SSH2: variants seen among roughly 807,000 people sequenced by gnomAD.
SSH2 encodes the protein slingshot protein phosphatase 2, also known as protein phosphatase Slingshot homolog 2.
In SSH2, 37 loss-of-function variants were observed where a neutral mutation model predicts 135.2. The observed-to-expected ratio is 0.27, with a 90% CI of 0.21 to 0.36. SSH2 has a LOEUF of 0.36. Ranked by LOEUF, SSH2 falls within the 10% of genes least tolerant of loss-of-function variation. The pLI is 1.00. For synonymous variants in SSH2, 628 were observed against 646.2 expected, an observed-to-expected ratio of 0.97 and a Z score of 0.43; for missense variants, 1,408 against 1,765.3, an observed-to-expected ratio of 0.80 and a Z score of 3.63.
At chr17:29,925,661 A>T in intron 1 of SSH2, 1 of 391,070 alleles carries the variant, frequency 2.6e-6, no homozygotes, top group Non-Finnish European at 4.5e-6. Context: ...GTGAGCTATG[A>T]CTGTGCCACT....
chr17:29,650,151 A>C (rs2036531577), intron 13 of SSH2, among the ~76,000 whole-genome samples: 1 of 152,264 alleles, frequency 6.6e-6, no homozygotes, highest in South Asian at 2.1e-4. Flanking sequence ...TCTCACTAGA[A>C]GAGCCAACTA....
At chr17:29,806,890 C>CT (rs1472110711) in intron 2 of SSH2, among the ~76,000 whole-genome samples, 1 of 152,230 alleles carries the variant, frequency 6.6e-6, no homozygotes, top group African/African-American at 2.4e-5. Flanking sequence ...GTCCTACCAG[C>CT]TATACCAATT....
At chr17:29,655,665 G>T in intron 11 of SSH2, 58 bp from the exon 12 acceptor site, 17 of 1,478,612 alleles carry the variant, frequency 1.1e-5, no homozygotes, top group Non-Finnish European at 1.6e-5. Flanking sequence ...AACAATACTT[G>T]AAAAGGAGCG....
intron 3 of SSH2, among the ~76,000 whole-genome samples, chr17:29,750,929 A>G (rs1489932619): frequency 6.6e-6 from 1 of 151,700 alleles, no homozygotes. Context: ...CACACACGCT[A>G]GCTTAGGCCT....
At chr17:29,795,793 G>A (rs1567979431) in intron 2 of SSH2, among the ~76,000 whole-genome samples, 2 of 152,042 alleles carry the variant, frequency 1.3e-5, no homozygotes, top group Admixed American at 6.5e-5. Flanking sequence ...CCAGGCTGGA[G>A]TGCAGTGATG....
intron 1 of SSH2, among the ~76,000 whole-genome samples, chr17:29,895,032 A>G (rs565912519): frequency 6.6e-6 from 1 of 151,550 alleles, no homozygotes; most frequent in South Asian, 2.1e-4. Flanking sequence ...CTTCTCTGAC[A>G]TAGACTCTCC....
chr17:29,754,567 A>C (rs1861586936), intron 3 of SSH2, among the ~76,000 whole-genome samples: 1 of 152,218 alleles, frequency 6.6e-6, no homozygotes, highest in South Asian at 2.1e-4. Flanking sequence ...AAAAAGCTTA[A>C]GATAACCTCA....
intron 3 of SSH2, among the ~76,000 whole-genome samples, chr17:29,771,199 T>C (rs2041578783): frequency 6.6e-6 from 1 of 152,252 alleles, no homozygotes; most frequent in Non-Finnish European, 1.5e-5. Flanking sequence ...CTCTATTTTG[T>C]GGCACATAAT....
chr17:29,780,845 C>A (rs2041824588), intron 3 of SSH2, among the ~76,000 whole-genome samples: 1 of 151,764 alleles, frequency 6.6e-6, no homozygotes, highest in Non-Finnish European at 1.5e-5. Flanking sequence ...AGGAGTCTCG[C>A]TCTGTCGCCC....
chr17:29,662,327 T>C (rs979615929), intron 11 of SSH2, among the ~76,000 whole-genome samples: 1 of 152,216 alleles, frequency 6.6e-6, no homozygotes, highest in Non-Finnish European at 1.5e-5. Context: ...AAATAAGGAC[T>C]GTACTGTGGG....
intron 12 of SSH2, among the ~76,000 whole-genome samples, chr17:29,652,183 C>T (rs1314745112): frequency 6.6e-6 from 1 of 152,106 alleles, no homozygotes; most frequent in African/African-American, 2.4e-5. Context: ...GAAAACAGTA[C>T]AGCAGTTTCC....
At chr17:29,745,458 C>A (rs1218031470) in intron 3 of SSH2, among the ~76,000 whole-genome samples, 2 of 152,236 alleles carry the variant, frequency 1.3e-5, no homozygotes, top group African/African-American at 2.4e-5. Flanking sequence ...CCGCACCCAG[C>A]TACAATGATA....
At chr17:29,770,716 G>A (rs774156530) in intron 3 of SSH2, among the ~76,000 whole-genome samples, 1 of 152,020 alleles carries the variant, frequency 6.6e-6, no homozygotes, top group South Asian at 2.1e-4. Flanking sequence ...CAGATGATCT[G>A]CCCACCTCGG....
Position 29,627,608 on chromosome 17 carries a change from T to C in SSH2, c.*3233A>G, listed in dbSNP as rs1432509733. On this transcript the variant is annotated 3_prime_UTR_variant, in exon 16 of 16. Coordinates refer to ENST00000540801, the MANE Select transcript of SSH2 (RefSeq NM_001282129.2). ...AGCCTCCTCAGAACCAGGAAAATACTAAAGATCCTGAAGAGACTAAGATGA... is the reference window on the plus strand; with the variant it reads ...AGCCTCCTCAGAACCAGGAAAATACCAAAGATCCTGAAGAGACTAAGATGA... The C allele has an allele frequency of 2.0e-5, 3 of 152,624 alleles. No individual in the cohort carries two copies. The highest frequency in any genetic ancestry group is 7.2e-5 in the African/African-American group (3 of 41,466). The allele number at this position is 152,624 out of a possible 1,614,324, so 9.5% of individuals were successfully genotyped here.
chr17:29,710,960 A>G (rs2039412544), intron 3 of SSH2, among the ~76,000 whole-genome samples: 1 of 152,188 alleles, frequency 6.6e-6, no homozygotes, highest in Admixed American at 6.5e-5. Context: ...ATGACCAAAC[A>G]TTGAATACTA....
chr17:29,659,175 G>A (rs140033371), intron 11 of SSH2, among the ~76,000 whole-genome samples: 1 of 152,192 alleles, frequency 6.6e-6, no homozygotes, highest in African/African-American at 2.4e-5. Context: ...CATGAGTACT[G>A]ATATAATAGT....
At chr17:29,717,852 T>C (rs771991733) in intron 3 of SSH2, among the ~76,000 whole-genome samples, 3 of 152,114 alleles carry the variant, frequency 2.0e-5, no homozygotes, top group East Asian at 1.9e-4. Flanking sequence ...CTGGGCAACA[T>C]AGCTTGTGCT....
At chr17:29,671,217 C>T (rs1476030189) in intron 9 of SSH2, among the ~76,000 whole-genome samples, 1 of 151,966 alleles carries the variant, frequency 6.6e-6, no homozygotes, top group East Asian at 1.9e-4. Context: ...CGTAGTGGCT[C>T]ACACTTGTAA....
chr17:29,686,518 C>T (rs1246410607), intron 5 of SSH2, among the ~76,000 whole-genome samples: 1 of 149,996 alleles, frequency 6.7e-6, no homozygotes, highest in Non-Finnish European at 1.5e-5. Context: ...CATGCTGCCA[C>T]GCCCGGCTAA....
Sources: gnomAD v4.1 joint callset for allele counts (sites outside exome capture counted in the v4.1 genomes callset) on GRCh38, gnomAD v4.1.1 for gene constraint, MANE v1.5 for transcripts, NCBI Gene and HGNC (gene_info 2026-07-23, HGNC 2026-07-21) for gene names.